ZNF69: variants seen among roughly 807,000 people sequenced by gnomAD.
ZNF69 encodes the protein zinc finger protein 69.
ZNF69 carries 47 observed loss-of-function variants against 50.9 expected under a neutral mutation model. That is an observed-to-expected ratio of 0.92 (90% CI 0.73 to 1.18). The LOEUF is 1.18. Among genes scored for constraint, ZNF69 ranks in the 50% most tolerant of loss-of-function variants. The probability of loss-of-function intolerance (pLI) is 0.00; values close to 1 mark genes in which losing one functional copy is unlikely to be tolerated. For missense variants in ZNF69, 717 were observed against 675.1 expected (o/e 1.06, Z -0.69); for synonymous variants, 216 against 223.1 (o/e 0.97, Z 0.29).
At chr19:11,949,277 A>G in the ZNF69 span, 10 of 1,614,026 alleles carry the variant, frequency 6.2e-6, no homozygotes, top group South Asian at 4.4e-5. Context: ...GAGAAACCCT[A>G]TGAGTGTAAG....
chr19:11,947,093 G>A, the ZNF69 span: 215 of 1,535,746 alleles, frequency 1.4e-4, 1 homozygote, highest in African/African-American at 2.7e-3. Context: ...GGAGTCCACA[G>A]CATCCTGAGA....
chr19:11,925,101 C>A, the ZNF69 span: 5 of 1,292,638 alleles, frequency 3.9e-6, no homozygotes, highest in East Asian at 7.8e-5. Context: ...TGGAGGGGGT[C>A]GCTTTCCTCA....
At chr19:11,975,891 T>C in the ZNF69 span, among the ~76,000 whole-genome samples, 2 of 151,842 alleles carry the variant, frequency 1.3e-5, no homozygotes, top group African/African-American at 4.8e-5. Flanking sequence ...TTGTTTGCCC[T>C]CTTGTGTACT....
intron 1 of ZNF69, among the ~76,000 whole-genome samples, chr19:11,891,040 G>T (rs979481637): frequency 6.6e-6 from 1 of 152,168 alleles, no homozygotes; most frequent in Non-Finnish European, 1.5e-5. Context: ...ACCAGGAAAA[G>T]AGGTCCTGAT....
downstream of ZNF69, among the ~76,000 whole-genome samples, chr19:11,915,183 C>T (rs1011940556): frequency 3.3e-5 from 5 of 152,146 alleles, no homozygotes; most frequent in African/African-American, 1.2e-4. Flanking sequence ...GCAGCCTAGT[C>T]GACACAGCGA....
intron 1 of ZNF69, among the ~76,000 whole-genome samples, chr19:11,900,758 G>T (rs1972227061): frequency 1.3e-5 from 2 of 152,236 alleles, no homozygotes; most frequent in South Asian, 2.1e-4. Context: ...CAAATATTTT[G>T]TCCCTGTCTG....
At chr19:11,974,082 TTTCTTTC>T in the ZNF69 span, among the ~76,000 whole-genome samples, 31 of 69,598 alleles carry the variant, frequency 4.5e-4, 1 homozygote, top group African/African-American at 1.7e-3. Flanking sequence ...TCTTTCTTTC[TTTCTTTC>T]TTTCTTTCTT....
the ZNF69 span, among the ~76,000 whole-genome samples, chr19:11,972,717 G>A: frequency 1.3e-5 from 2 of 152,194 alleles, no homozygotes; most frequent in South Asian, 2.1e-4. Flanking sequence ...TTAGAACAGT[G>A]GTTGTTTGCC....
At chr19:11,889,723 T>C (rs2071952865) in intron 1 of ZNF69, among the ~76,000 whole-genome samples, 1 of 152,124 alleles carries the variant, frequency 6.6e-6, no homozygotes, top group Non-Finnish European at 1.5e-5. Flanking sequence ...GAAAGAACAG[T>C]GGGCCCAGGG....
At chr19:11,967,105 C>T in the ZNF69 span, among the ~76,000 whole-genome samples, 2 of 152,148 alleles carry the variant, frequency 1.3e-5, no homozygotes, top group Non-Finnish European at 2.9e-5. Context: ...AAGGCCAAGG[C>T]GGGAGGATCA....
At chr19:11,967,549 A>G in the ZNF69 span, among the ~76,000 whole-genome samples, 17 of 151,426 alleles carry the variant, frequency 1.1e-4, no homozygotes, top group Admixed American at 3.3e-4. Context: ...GACTACAGGC[A>G]CCCGCCACCA....
At chr19:11,907,640 C>G (rs1375999931), downstream of ZNF69, among the ~76,000 whole-genome samples, 1 of 152,140 alleles carries the variant, frequency 6.6e-6, no homozygotes, top group Non-Finnish European at 1.5e-5. Flanking sequence ...TTTGTCACCA[C>G]CAGGCCTGCT....
the ZNF69 span, among the ~76,000 whole-genome samples, chr19:11,921,474 A>G: frequency 6.6e-6 from 1 of 150,740 alleles, no homozygotes; most frequent in Non-Finnish European, 1.5e-5. Context: ...CAGCCCTGAA[A>G]TGGAAAATTT....
the ZNF69 span, among the ~76,000 whole-genome samples, chr19:11,931,046 T>G: frequency 1.1e-3 from 163 of 147,970 alleles, 7 homozygotes; most frequent in East Asian, 0.028. Flanking sequence ...CAATTTGCTG[T>G]TTTCCATTGG....
intron 4 of ZNF69, among the ~76,000 whole-genome samples, chr19:11,912,784 T>G (rs934798044): frequency 6.6e-6 from 1 of 152,226 alleles, no homozygotes; most frequent in African/African-American, 2.4e-5. Context: ...ACCCTATGAA[T>G]GTAAGCAGTA....
rs4071659 is a variant in ZNF69 at position 11,892,135 on chromosome 19, A to ATT, written c.63+4171_63+4172dup. ...AGTCGCCCACCAGCACTCCTGGCTG[A>ATT]TTTTTTTTTTTTTTTTTTTTTTTGT... On this transcript the variant is annotated intron_variant, in intron 1 of 3. Coordinates refer to ENST00000429654, the MANE Select transcript of ZNF69 (RefSeq NM_001364730.1). 1.1e-3 allele frequency among the ~76,000 whole-genome samples: 125 copies of ATT among 113,908 alleles called. 1 individual carries two copies. Among genetic ancestry groups the ATT allele is most frequent in the Middle Eastern group, 4.7e-3 (1 of 214 alleles). The allele number at this position is 113,908 out of a possible 152,430, so 74.7% of individuals were successfully genotyped here.
rs1972351157 is a variant in ZNF69, at chr19:11,905,532, G to T, written c.1135G>T (p.Glu379Ter). 1 of 1,613,794 alleles carries T rather than the reference G, an allele frequency of 6.2e-7. No homozygotes were observed. The highest frequency in any genetic ancestry group is 1.7e-5 in the Admixed American group (1 of 59,948). Residue 379 changes from glutamate to a stop codon, truncating the protein, a stop_gained, in exon 4 of 4, where the codon GAA becomes TAA. Transcript: ENST00000429654. LOFTEE classifies it high-confidence loss of function. Reference protein sequence around the residue: ...FCSANSFQRHEKTHSGEKPYK... With the variant: ...FCSANSFQRH ...TTCTGCCAATTCATTTCAAAGACAT[G>T]AAAAAACTCACAGTGGAGAGAAACC... is the stretch of plus-strand genomic sequence containing the variant.
the ZNF69 span, chr19:11,978,439 A>G: frequency 8.1e-6 from 13 of 1,614,104 alleles, no homozygotes; most frequent in Non-Finnish European, 1.1e-5. Context: ...GAGAAACCCT[A>G]TGCTTGTAAA....
the ZNF69 span, among the ~76,000 whole-genome samples, chr19:11,937,121 G>C: frequency 1.3e-5 from 2 of 152,176 alleles, no homozygotes; most frequent in Admixed American, 6.6e-5. Flanking sequence ...CACAGATCAT[G>C]CTTTTTGTGT....
Sources: allele counts gnomAD v4.1 joint callset (sites outside exome capture counted in the v4.1 genomes callset), GRCh38; gene constraint gnomAD v4.1.1; transcripts MANE v1.5; gene names NCBI Gene and HGNC (gene_info 2026-07-23, HGNC 2026-07-21).